Variants in MAP2K5 observed in about 807,000 individuals in gnomAD.
MAP2K5 encodes mitogen-activated protein kinase kinase 5, also known as dual specificity mitogen-activated protein kinase kinase 5.
MAP2K5 carries 49 observed loss-of-function variants against 83.1 expected under a neutral mutation model. That is an observed-to-expected ratio of 0.59 (90% CI 0.47 to 0.75). The LOEUF (loss-of-function observed/expected upper bound fraction) is 0.75, where lower values mean the gene tolerates loss of function less well. Ranked by LOEUF, MAP2K5 falls within the 30% of genes least tolerant of loss-of-function variation. MAP2K5 has a pLI of 0.00. For synonymous variants in MAP2K5, 202 were observed against 191.8 expected, an observed-to-expected ratio of 1.05 and a Z score of -0.44; for missense variants, 457 against 557.5, an observed-to-expected ratio of 0.82 and a Z score of 1.82.
Position 67,790,308 on chromosome 15 carries a change from G to T in MAP2K5, c.1243-16338G>T, listed in dbSNP as rs1282245540. On this transcript the variant is annotated intron_variant, in intron 21 of 21. Transcript: ENST00000178640. The surrounding 1 kb of genome is among the most constrained non-coding windows in gnomAD (Gnocchi z 4.6). ...AGCCCTAATGTGCCATTAATGATAG[G>T]TTAATGTACAGTATAATGTTTTTGG... is the stretch of plus-strand genomic sequence containing the variant. Among the ~76,000 whole-genome samples, 1 of 152,166 alleles carries T rather than the reference G, an allele frequency of 6.6e-6. No individual in the cohort carries two copies. The highest frequency in any genetic ancestry group is 1.5e-5 in the Non-Finnish European group (1 of 68,028).
intron 9 of MAP2K5, among the ~76,000 whole-genome samples, chr15:67,643,316 A>G (rs2086755448): frequency 6.6e-6 from 1 of 152,258 alleles, no homozygotes; most frequent in South Asian, 2.1e-4. Flanking sequence ...AGTTTTACAC[A>G]AAAACAAAAA....
At chr15:67,664,468 A>T in intron 12 of MAP2K5, 129 bp from the exon 13 acceptor site, 14 of 563,182 alleles carry the variant, frequency 2.5e-5, no homozygotes, top group Non-Finnish European at 3.5e-5. Context: ...ACCCCACAGC[A>T]CTTCAGCCTA....
At chr15:67,556,448 CAGTT>C (rs1212885368) in intron 2 of MAP2K5, among the ~76,000 whole-genome samples, 1 of 151,972 alleles carries the variant, frequency 6.6e-6, no homozygotes, top group African/African-American at 2.4e-5. Context: ...CACACACACA[CAGTT>C]ATTTATATAA....
intron 13 of MAP2K5, among the ~76,000 whole-genome samples, chr15:67,675,703 C>G (rs1408408895): frequency 1.3e-5 from 2 of 151,830 alleles, no homozygotes; most frequent in African/African-American, 4.8e-5. Context: ...ATGTAAACAA[C>G]AAAAAAAGAA....
At chr15:67,600,507 C>T (rs758138224) in intron 7 of MAP2K5, among the ~76,000 whole-genome samples, 178 bp from the exon 8 acceptor site, 2 of 152,284 alleles carry the variant, frequency 1.3e-5, no homozygotes, top group East Asian at 3.9e-4. Context: ...TCCATCACTT[C>T]GTCCCTTGGT....
At chr15:67,625,703 TTGA>T (rs993431516) in intron 8 of MAP2K5, among the ~76,000 whole-genome samples, 4 of 152,242 alleles carry the variant, frequency 2.6e-5, no homozygotes, top group African/African-American at 9.6e-5. Flanking sequence ...CCAGTTCTCC[TTGA>T]TGATTAAATG....
intron 1 of MAP2K5, among the ~76,000 whole-genome samples, chr15:67,548,038 C>T (rs374751567): frequency 3.3e-5 from 5 of 152,160 alleles, no homozygotes; most frequent in East Asian, 1.9e-4. Context: ...CCCTTTTCCT[C>T]GTATCAGGTG....
At chr15:67,588,987 T>G (rs1436095857) in intron 6 of MAP2K5, among the ~76,000 whole-genome samples, 1 of 149,420 alleles carries the variant, frequency 6.7e-6, no homozygotes, top group Non-Finnish European at 1.5e-5. Flanking sequence ...GATTAAGTGT[T>G]TTTTTTTTAT....
intron 4 of MAP2K5, among the ~76,000 whole-genome samples, chr15:67,581,653 G>A (rs1396222388): frequency 1.3e-5 from 2 of 152,144 alleles, no homozygotes; most frequent in Admixed American, 6.5e-5. Flanking sequence ...AACTGATACT[G>A]TACAAATAAT....
chr15:67,634,387 A>AAAAAAAAAAAAAAAAAAAAAT (rs2086549781), intron 9 of MAP2K5, among the ~76,000 whole-genome samples: 1 of 99,340 alleles, frequency 1.0e-5, no homozygotes, highest in Non-Finnish European at 2.2e-5. Context: ...AAAAAAAAAA[A>AAAAAAAAAAAAAAAAAAAAAT]AAAAAAAAAA....
intron 3 of MAP2K5, among the ~76,000 whole-genome samples, chr15:67,566,948 A>G (rs774835310): frequency 6.6e-6 from 1 of 152,224 alleles, no homozygotes; most frequent in Non-Finnish European, 1.5e-5. Context: ...TGTCATGACA[A>G]TAGGTTGTTG....
intron 15 of MAP2K5, among the ~76,000 whole-genome samples, chr15:67,693,950 C>G (rs983605910): frequency 2.0e-5 from 3 of 151,358 alleles, no homozygotes; most frequent in Non-Finnish European, 4.4e-5. Context: ...TATGAACATG[C>G]TTTGTCACCA....
rs1298751670 is a variant in MAP2K5, at chr15:67,592,969, G to C, written c.475G>C (p.Gly159Arg). 3.1e-6 allele frequency: 5 copies of C among 1,593,574 alleles called. No individual in the cohort carries two copies. In the South Asian group the frequency reaches 4.5e-5, roughly 14 times the overall value. The change falls in exon 7 of 22, where the codon GGC (glycine) becomes CGC (arginine). Residue 159 changes from glycine (G) to arginine (R), a missense_variant. Physicochemically the swap from Gly to Arg is moderately radical, Grantham distance 125 (BLOSUM62 -2). Around this residue, in one of 3 missense-constraint regions of MAP2K5, gnomAD observed 234 missense variants for 243.6 expected, o/e 0.96. Coordinates refer to ENST00000178640, the MANE Select transcript of MAP2K5 (RefSeq NM_145160.3). Reference sequence around the variant, plus strand: ...TGAACTGAAAAAAATACTAGCCAATGGCCAGGTAGGTATTATTATATATTA... The same window carrying C: ...TGAACTGAAAAAAATACTAGCCAATCGCCAGGTAGGTATTATTATATATTA... ...SAELKKILAN[G>R]QMNEQDIRYR...
chr15:67,762,674 C>T (rs995728762), intron 19 of MAP2K5, among the ~76,000 whole-genome samples: 1 of 151,362 alleles, frequency 6.6e-6, no homozygotes, highest in African/African-American at 2.4e-5. Context: ...TTCCAAAACA[C>T]TTTTAGGAGA....
chr15:67,788,197 A>C (rs1386528293), intron 21 of MAP2K5, among the ~76,000 whole-genome samples: 1 of 152,248 alleles, frequency 6.6e-6, no homozygotes, highest in Non-Finnish European at 1.5e-5. Flanking sequence ...CCCTGGTTGC[A>C]AGCATTATTT....
At chr15:67,729,392 G>T (rs78585183) in intron 17 of MAP2K5, among the ~76,000 whole-genome samples, 2,631 of 152,262 alleles carry the variant, frequency 0.017, 89 homozygotes, top group African/African-American at 0.061. Context: ...AATTCCAAAG[G>T]TTGAGAATGT....
rs2090488050 is a variant in MAP2K5, at chr15:67,790,002, C to G, written c.1243-16644C>G. Among the ~76,000 whole-genome samples the G allele has an allele frequency of 6.6e-6, 1 of 152,178 alleles. No individual in the cohort carries two copies. The highest frequency in any genetic ancestry group is 1.5e-5 in the Non-Finnish European group (1 of 68,028). On this transcript the variant is annotated intron_variant, in intron 21 of 21. Coordinates refer to ENST00000178640, the MANE Select transcript of MAP2K5 (RefSeq NM_145160.3). This position sits in a 1 kb window ranked among gnomAD's most constrained non-coding sequence, Gnocchi z 4.6. ...TTACACTACCAAGGTGCTATTTGCT[C>G]ATGACCTTGTCAAGCAACATTGAGG...
Position 67,748,999 on chromosome 15 carries a change from T to A in MAP2K5, c.1134+398T>A, listed in dbSNP as rs1012177960. Among the ~76,000 whole-genome samples the A allele has an allele frequency of 6.6e-6, 1 of 152,262 alleles. No individual in the cohort carries two copies. The highest frequency in any genetic ancestry group is 2.4e-5 in the African/African-American group (1 of 41,470). On this transcript the variant is annotated intron_variant, in intron 19 of 21. Coordinates refer to ENST00000178640, the MANE Select transcript of MAP2K5 (RefSeq NM_145160.3). This position sits in a 1 kb window ranked among gnomAD's most constrained non-coding sequence, Gnocchi z 4.0. ...GAGCAAGCATAAGCTGGATGAAATT[T>A]GCCTGCCTTGAGTTATTTACCCAAA...
intron 21 of MAP2K5, among the ~76,000 whole-genome samples, chr15:67,795,349 C>T (rs2090587072): frequency 6.6e-6 from 1 of 151,846 alleles, no homozygotes; most frequent in Non-Finnish European, 1.5e-5. Flanking sequence ...ATATTTTTTC[C>T]TAATATATGC....
Sources: allele counts gnomAD v4.1 joint callset (sites outside exome capture counted in the v4.1 genomes callset), GRCh38; gene constraint gnomAD v4.1.1; regional missense constraint gnomAD v4.1.1; non-coding constraint Gnocchi (gnomAD v3.1); transcripts MANE v1.5; gene names NCBI Gene and HGNC (gene_info 2026-07-23, HGNC 2026-07-21).